The following MKLN1 variants were observed in gnomAD, a reference collection of about 807,000 sequenced individuals.
MKLN1 encodes muskelin.
A neutral mutation model predicts 99.0 loss-of-function variants in MKLN1; 18 were observed. The ratio of observed to expected loss-of-function variants is 0.18; its 90% CI spans 0.13 to 0.27. The LOEUF (loss-of-function observed/expected upper bound fraction) is 0.27. MKLN1 is among the 10% of genes least tolerant of loss of function. The probability of loss-of-function intolerance (pLI) is 1.00; values close to 1 mark genes in which losing one functional copy is unlikely to be tolerated. For missense variants in MKLN1, 621 were observed against 875.9 expected (o/e 0.71, Z 3.67); for synonymous variants, 288 against 293.2 (o/e 0.98, Z 0.18).
chr7:131,282,076 A>G (rs112155093), intron 3 of MKLN1, among the ~76,000 whole-genome samples: 9,386 of 152,080 alleles, frequency 0.062, 339 homozygotes, highest in South Asian at 0.15. Flanking sequence ...TGGGCTGGGC[A>G]TGGTGGCTCA....
At chr7:131,473,379 A>G (rs929882445) in intron 16 of MKLN1, among the ~76,000 whole-genome samples, 5 of 151,936 alleles carry the variant, frequency 3.3e-5, no homozygotes, top group African/African-American at 7.3e-5. Flanking sequence ...TTTTTTTCAC[A>G]GTTGTTATGA....
chr7:131,262,104 T>C (rs1290461500), intron 3 of MKLN1, among the ~76,000 whole-genome samples: 1 of 152,094 alleles, frequency 6.6e-6, no homozygotes, highest in African/African-American at 2.4e-5. Flanking sequence ...AATTTACCTA[T>C]ATAACAAATC....
At chr7:131,328,077 C>A in intron 1 of MKLN1, 80 bp downstream of exon 1, 1 of 1,507,802 alleles carries the variant, frequency 6.6e-7, no homozygotes, top group Non-Finnish European at 8.9e-7. Flanking sequence ...TGGAGGGCAG[C>A]CGAGCCGAGA....
intron 2 of MKLN1, among the ~76,000 whole-genome samples, chr7:131,172,347 G>T (rs989399251): frequency 6.6e-6 from 1 of 150,578 alleles, no homozygotes; most frequent in Non-Finnish European, 1.5e-5. Context: ...ATGGAGTCTC[G>T]CTCTGTCACC....
intron 2 of MKLN1, among the ~76,000 whole-genome samples, chr7:131,378,695 T>C (rs1793742423): frequency 6.6e-6 from 1 of 151,986 alleles, no homozygotes; most frequent in Non-Finnish European, 1.5e-5. Context: ...TCGGGCATGG[T>C]AGCGTGTGCC....
chr7:131,275,567 ATTTT>A (rs869119196), intron 3 of MKLN1, among the ~76,000 whole-genome samples: 14 of 5,612 alleles, frequency 2.5e-3, no homozygotes, highest in South Asian at 0.013. Context: ...ATATATATAT[ATTTT>A]TTTTTTTTTT....
Position 131,463,143 on chromosome 7 carries a change from A to AAAGG in MKLN1, c.1526-59_1526-56dup, listed in dbSNP as rs528091266. On this transcript the variant is annotated intron_variant, in intron 12 of 17. Transcript: ENST00000352689. ...TGTTCTTTAAAAAAAGAAAGAAAAGAAAGGAAGGAAGGAAGGAAATACTAA... is the reference window on the plus strand; with the variant it reads ...TGTTCTTTAAAAAAAGAAAGAAAAGAAAGGAAGGAAGGAAGGAAGGAAATACTAA... 262 of 1,292,470 alleles carry AAAGG rather than the reference A, an allele frequency of 2.0e-4. 2 individuals carry two copies. In the African/African-American group the frequency reaches 3.3e-3, roughly 16 times the overall value. 80.1% of individuals were successfully genotyped at this position (1,292,470 alleles called of 1,614,324 possible). A position where few individuals can be genotyped will look rare whatever the true frequency, so the allele number is the denominator to read the frequency against.
chr7:131,350,879 A>G (rs756739188), intron 1 of MKLN1, among the ~76,000 whole-genome samples: 2 of 152,210 alleles, frequency 1.3e-5, no homozygotes, highest in Non-Finnish European at 2.9e-5. Flanking sequence ...GCCATCTTTG[A>G]ACTGCCCTGC....
chr7:131,388,757 A>G, intron 3 of MKLN1, 127 bp from the exon 4 acceptor site: 1 of 582,880 alleles, frequency 1.7e-6, no homozygotes, highest in Non-Finnish European at 3.0e-6. Flanking sequence ...CTACTTGTTT[A>G]TATTGTCTTG....
At chr7:131,345,880 T>G (rs890656857) in intron 1 of MKLN1, among the ~76,000 whole-genome samples, 2 of 152,212 alleles carry the variant, frequency 1.3e-5, no homozygotes, top group Non-Finnish European at 2.9e-5. Context: ...TGTCAAAGTT[T>G]TTAATATATT....
At position 131,434,649 on chromosome 7, in the gene MKLN1, G is replaced by A. The variant is rs147885728; in HGVS notation, c.961-3136G>A. On this transcript the variant is annotated intron_variant, in intron 9 of 17. Coordinates refer to ENST00000352689, the MANE Select transcript of MKLN1 (RefSeq NM_013255.5). Reference sequence around the variant, plus strand: ...GCTTGCTGCAGCCTCGACCTTCTGGGCTCAAGCAATCCTTCTACCTCAGTC... The same window carrying A: ...GCTTGCTGCAGCCTCGACCTTCTGGACTCAAGCAATCCTTCTACCTCAGTC... Among the ~76,000 whole-genome samples, 3 of 152,228 alleles carry A rather than the reference G, an allele frequency of 2.0e-5. No individual in the cohort carries two copies. The East Asian group carries it at 5.8e-4, about 29-fold the overall frequency.
chr7:131,333,412 C>T (rs1799152493), intron 1 of MKLN1, among the ~76,000 whole-genome samples: 1 of 152,106 alleles, frequency 6.6e-6, no homozygotes, highest in Non-Finnish European at 1.5e-5. Context: ...CATGTAATGA[C>T]TTTATGTCAT....
chr7:131,372,401 C>T (rs62468083), intron 1 of MKLN1, among the ~76,000 whole-genome samples: 5,413 of 151,974 alleles, frequency 0.036, 125 homozygotes, highest in Non-Finnish European at 0.051. Context: ...CAAAAAAGCA[C>T]AAAGAAAAAA....
intron 9 of MKLN1, 67 bp downstream of exon 9, chr7:131,429,212 C>A: frequency 9.3e-7 from 1 of 1,079,588 alleles, no homozygotes; most frequent in Non-Finnish European, 1.4e-6. Flanking sequence ...TGTTTTTCGG[C>A]ATGATTATAT....
intron 3 of MKLN1, among the ~76,000 whole-genome samples, chr7:131,217,511 A>T (rs1797000500): frequency 6.6e-6 from 1 of 152,158 alleles, no homozygotes; most frequent in African/African-American, 2.4e-5. Flanking sequence ...CAGCCTGGCC[A>T]ACATGGTGAA....
Position 131,487,902 on chromosome 7 carries a change from C to T in MKLN1, c.*174C>T, listed in dbSNP as rs529046942. On this transcript the variant is annotated 3_prime_UTR_variant, in exon 18 of 18. Transcript: ENST00000352689. This position sits in a 1 kb window ranked among gnomAD's most constrained non-coding sequence, Gnocchi z 4.7. ...CTTCCTTCATGCCTGACCTCAACCCCGCTCTCCTCATCCTATTCCTAAATT... is the reference window on the plus strand; with the variant it reads ...CTTCCTTCATGCCTGACCTCAACCCTGCTCTCCTCATCCTATTCCTAAATT... 1.1e-5 allele frequency: 6 copies of T among 534,182 alleles called. No homozygotes were observed. The highest frequency in any genetic ancestry group is 4.0e-5 in the Admixed American group (1 of 25,082). The allele number at this position is 534,182 out of a possible 1,614,324, so 33.1% of individuals were successfully genotyped here.
chr7:131,122,476 G>T (rs1197833166), intron 1 of MKLN1, among the ~76,000 whole-genome samples: 1 of 152,094 alleles, frequency 6.6e-6, no homozygotes, highest in South Asian at 2.1e-4. Flanking sequence ...TCTTTATTTA[G>T]GTCCTAGGTG....
intron 3 of MKLN1, among the ~76,000 whole-genome samples, chr7:131,233,161 G>A (rs993112276): frequency 1.3e-5 from 2 of 151,970 alleles, no homozygotes; most frequent in Non-Finnish European, 1.5e-5. Context: ...GCAACATAGC[G>A]AGATTCTGTC....
intron 1 of MKLN1, among the ~76,000 whole-genome samples, chr7:131,131,545 C>A (rs977972743): frequency 2.6e-5 from 4 of 152,144 alleles, no homozygotes; most frequent in African/African-American, 9.7e-5. Flanking sequence ...TTGTTATCCC[C>A]ATTTTACAGA....
Sources: allele counts gnomAD v4.1 joint callset (sites outside exome capture counted in the v4.1 genomes callset), GRCh38; gene constraint gnomAD v4.1.1; non-coding constraint Gnocchi (gnomAD v3.1); transcripts MANE v1.5; gene names NCBI Gene and HGNC (gene_info 2026-07-23, HGNC 2026-07-21).